Variants in NCKAP1L observed in about 807,000 individuals in gnomAD.
NCKAP1L encodes nck-associated protein 1-like.
In NCKAP1L, 53 loss-of-function variants were observed where a neutral mutation model predicts 139.2. The observed-to-expected ratio is 0.38, with a 90% CI of 0.31 to 0.48. The LOEUF (loss-of-function observed/expected upper bound fraction) is 0.48. Among genes scored for constraint, NCKAP1L ranks in the 20% least tolerant of loss-of-function variants. NCKAP1L has a pLI of 0.98. For synonymous variants in NCKAP1L, 468 were observed against 499.7 expected, an observed-to-expected ratio of 0.94 and a Z score of 0.85; for missense variants, 1,151 against 1,381.9, an observed-to-expected ratio of 0.83 and a Z score of 2.65.
chr12:54,524,758 G>A (rs147617508), intron 20 of NCKAP1L, among the ~76,000 whole-genome samples: 131 of 152,202 alleles, frequency 8.6e-4, no homozygotes, highest in African/African-American at 3.0e-3. Flanking sequence ...AGCAGAATAC[G>A]TAGTAGATTA....
chr12:54,500,725 A>C (rs777689622), intron 3 of NCKAP1L, 100 bp downstream of exon 3: 11 of 778,694 alleles, frequency 1.4e-5, no homozygotes, highest in South Asian at 3.0e-5. Flanking sequence ...TCTTGAAAAA[A>C]TGAGAGAGAT....
At position 54,547,155 on chromosome 12, in the gene NCKAP1L, A is replaced by G. The variant is rs992939157; in HGVS notation, c.*4470A>G. 2.0e-5 allele frequency: 3 copies of G among 152,226 alleles called. No individual in the cohort carries two copies. The highest frequency in any genetic ancestry group is 2.9e-5 in the Non-Finnish European group (2 of 68,054). 9.4% of individuals were successfully genotyped at this position (152,226 alleles called of 1,614,324 possible). A position where few individuals can be genotyped will look rare whatever the true frequency, so the allele number is the denominator to read the frequency against. The stretch of plus-strand genomic sequence containing the variant: ...AGAATAGTTGTCTTTTGAGCCTCAG[A>G]GTGGAACAAGTATACCCAATTCTTA... On this transcript the variant is annotated 3_prime_UTR_variant, in exon 31 of 31. Coordinates refer to ENST00000293373, the MANE Select transcript of NCKAP1L (RefSeq NM_005337.5).
In NCKAP1L at chr12:54,509,954, C is replaced by T. The variant is rs184406299; in HGVS notation, c.704C>T (p.Pro235Leu). 4 of 1,614,138 alleles carry T rather than the reference C, an allele frequency of 2.5e-6. No homozygotes were observed. The highest frequency in any genetic ancestry group is 2.2e-5 in the East Asian group (1 of 44,908). Residue 235 changes from proline to leucine, a missense_variant, in exon 7 of 31, where the codon CCA becomes CTA. Pro to Leu is a moderately conservative substitution (Grantham distance 98). Transcript: ENST00000293373. ...AQLLSLISNP[P>L]AMINPANSDT... ...CTTCTAAGCCTCATCAGCAACCCCCCAGCCATGATTAACCCTGCTAATTCA... is the reference window on the plus strand; with the variant it reads ...CTTCTAAGCCTCATCAGCAACCCCCTAGCCATGATTAACCCTGCTAATTCA...
chr12:54,535,492 T>C (rs1288112119), intron 27 of NCKAP1L, among the ~76,000 whole-genome samples: 1 of 152,156 alleles, frequency 6.6e-6, no homozygotes, highest in Admixed American at 6.5e-5. Context: ...TCAAAGCCAT[T>C]TACAATCTGG....
At chr12:54,500,248 C>T (rs960505463) in intron 2 of NCKAP1L, among the ~76,000 whole-genome samples, 15 of 151,950 alleles carry the variant, frequency 9.9e-5, no homozygotes, top group African/African-American at 2.7e-4. Flanking sequence ...CTCAGCCTCT[C>T]GAGTAGCTGG....
At chr12:54,536,526 G>A in intron 28 of NCKAP1L, 1 of 344,782 alleles carries the variant, frequency 2.9e-6, no homozygotes, top group Non-Finnish European at 5.5e-6. Flanking sequence ...TAGCTGGGCA[G>A]GGTGGCCTGT....
chr12:54,531,518 C>T lies in NCKAP1L; in HGVS notation c.2632C>T (p.Leu878Phe). ...KKLVVENMDILVQIRSNFSKP... is the reference protein window; with the variant it reads ...KKLVVENMDIFVQIRSNFSKP... ...GCTGGTGGTGGAAAACATGGACATACTTGTTCAGATCAGATCCAACTTTAG... is the reference window on the plus strand; with the variant it reads ...GCTGGTGGTGGAAAACATGGACATATTTGTTCAGATCAGATCCAACTTTAG... The change falls in exon 24 of 31, where the codon CTT becomes TTT. Residue 878 changes from leucine to phenylalanine, a missense_variant. Leu to Phe is a conservative substitution (Grantham distance 22). Transcript: ENST00000293373. The T allele has an allele frequency of 6.2e-7, 1 of 1,614,176 alleles. No homozygotes were observed. The highest frequency in any genetic ancestry group is 8.5e-7 in the Non-Finnish European group (1 of 1,180,034).
intron 30 of NCKAP1L, 143 bp from the exon 31 acceptor site, chr12:54,542,432 G>A (rs1193176906): frequency 4.5e-6 from 3 of 661,400 alleles, no homozygotes; most frequent in Non-Finnish European, 2.7e-6. Context: ...AACCAAGTGA[G>A]GGAAGAGGGG....
rs769378391 is a variant in NCKAP1L, at chr12:54,526,517, A to G, written c.2157-11A>G. 6.4e-7 allele frequency: 1 copy of G among 1,565,186 alleles called. No individual in the cohort carries two copies. Among genetic ancestry groups the G allele is most frequent in the African/African-American group, 1.4e-5 (1 of 72,350 alleles). On this transcript the variant is annotated splice_polypyrimidine_tract_variant and intron_variant, in intron 20 of 30. Coordinates refer to ENST00000293373, the MANE Select transcript of NCKAP1L (RefSeq NM_005337.5). ...ATTGTAATTCTAATTTTTTTTTTTT[A>G]AATCACCTAGAGCCATTGTGTGGCT... is the stretch of plus-strand genomic sequence containing the variant.
intron 29 of NCKAP1L, 68 bp downstream of exon 29, chr12:54,537,121 T>C: frequency 9.3e-7 from 1 of 1,075,882 alleles, no homozygotes; most frequent in Non-Finnish European, 1.4e-6. Context: ...CTTAAATCTG[T>C]AGACAATTAT....
chr12:54,524,811 A>G (rs542948183), intron 20 of NCKAP1L, among the ~76,000 whole-genome samples: 2 of 152,162 alleles, frequency 1.3e-5, no homozygotes, highest in Admixed American at 6.5e-5. Flanking sequence ...TGGGAAAGGG[A>G]GATAGGAGGA....
rs761385823 is a variant in NCKAP1L, at chr12:54,516,291, A to G, written c.994A>G (p.Asn332Asp). ...IKESKEHVIANSGQFHCQRRQ... is the reference protein window; with the variant it reads ...IKESKEHVIADSGQFHCQRRQ... The stretch of plus-strand genomic sequence containing the variant: ...GGAGAGCAAGGAACATGTAATTGCA[A>G]ACAGGTAAAGGGTGGTGAATGCACT... The change falls in exon 10 of 31, where the codon AAC (asparagine) becomes GAC (aspartate). Residue 332 changes from asparagine to aspartate, a missense_variant. Transcript: ENST00000293373. The G allele has an allele frequency of 6.2e-7, 1 of 1,613,986 alleles. No individual in the cohort carries two copies. The highest frequency in any genetic ancestry group is 1.7e-5 in the Admixed American group (1 of 60,026).
chr12:54,535,179 A>C lies in NCKAP1L; in HGVS notation c.2938A>C (p.Ile980Leu). The C allele has an allele frequency of 6.2e-7, 1 of 1,613,664 alleles. No homozygotes were observed. Among genetic ancestry groups the C allele is most frequent in the Non-Finnish European group, 8.5e-7 (1 of 1,179,744 alleles). The change falls in exon 27 of 31, where the codon ATT (isoleucine) becomes CTT (leucine). Residue 980 changes from isoleucine (I) to leucine (L), a missense_variant. By Grantham distance (5) the Ile-to-Leu change is conservative (BLOSUM62 2). Coordinates refer to ENST00000293373, the MANE Select transcript of NCKAP1L (RefSeq NM_005337.5). ...CATTGACCCAGCCTTGGTGGCTGCC[A>C]TTGCTAATCTGAAAGCTGGTAAGAT... ...CDIDPALVAA[I>L]ANLKADTSSP...
intron 3 of NCKAP1L, among the ~76,000 whole-genome samples, chr12:54,503,932 C>A (rs964507897): frequency 3.3e-5 from 5 of 152,110 alleles, no homozygotes; most frequent in Admixed American, 6.5e-5. Flanking sequence ...TGAGTCACTG[C>A]ACCCAGCCAA....
chr12:54,537,009 C>T lies in NCKAP1L; in HGVS notation c.3139C>T (p.Leu1047Phe). 6.2e-7 allele frequency: 1 copy of T among 1,613,690 alleles called. No homozygotes were observed. Among genetic ancestry groups the T allele is most frequent in the Non-Finnish European group, 8.5e-7 (1 of 1,179,686 alleles). The change falls in exon 29 of 31, where the codon CTC (leucine) becomes TTC (phenylalanine). Residue 1047 changes from leucine (L) to phenylalanine (F), a missense_variant. Coordinates refer to ENST00000293373, the MANE Select transcript of NCKAP1L (RefSeq NM_005337.5). ...IIQVSAALFT[L>F]YNKNIETHLK... ...CCAGGTGTCTGCTGCCCTCTTCACG[C>T]TCTACAACAAGAACATTGAAACTCA... is the stretch of plus-strand genomic sequence containing the variant.
intron 25 of NCKAP1L, 151 bp from the exon 26 acceptor site, chr12:54,532,019 C>G: frequency 1.3e-6 from 1 of 754,620 alleles, no homozygotes; most frequent in South Asian, 2.0e-5. Context: ...GCTTAGGAAA[C>G]CTAGAGGCAT....
rs549823356 is a variant in NCKAP1L, at chr12:54,517,921, C to T, written c.1321C>T (p.Leu441Phe). 6.2e-7 allele frequency: 1 copy of T among 1,614,090 alleles called. No homozygotes were observed. The highest frequency in any genetic ancestry group is 8.5e-7 in the Non-Finnish European group (1 of 1,180,006). ...QYLARFDALV[L>F]SDIIQNLSVC... ...CTTGGCAAGATTTGATGCTCTTGTGCTCAGTGACATCATTCAGGTATGATA... is the reference window on the plus strand; with the variant it reads ...CTTGGCAAGATTTGATGCTCTTGTGTTCAGTGACATCATTCAGGTATGATA... Residue 441 changes from leucine (L) to phenylalanine (F), a missense_variant, in exon 13 of 31, where the codon CTC becomes TTC. Coordinates refer to ENST00000293373, the MANE Select transcript of NCKAP1L (RefSeq NM_005337.5).
chr12:54,535,188 C>T lies in NCKAP1L; in HGVS notation c.2947C>T (p.Leu983=), dbSNP rs781003863. 1.2e-6 allele frequency: 2 copies of T among 1,613,158 alleles called. No individual in the cohort carries two copies. The highest frequency in any genetic ancestry group is 1.7e-6 in the Non-Finnish European group (2 of 1,179,446). ...DPALVAAIAN[L]KADTSSPEEE... ...AGCCTTGGTGGCTGCCATTGCTAATCTGAAAGCTGGTAAGATTGGGGAAAG... is the reference window on the plus strand; with the variant it reads ...AGCCTTGGTGGCTGCCATTGCTAATTTGAAAGCTGGTAAGATTGGGGAAAG... The change falls in exon 27 of 31, where the codon CTG becomes TTG. Residue 983 remains leucine (L), a synonymous_variant. Coordinates refer to ENST00000293373, the MANE Select transcript of NCKAP1L (RefSeq NM_005337.5).
chr12:54,524,351 A>G (rs534124825), intron 20 of NCKAP1L, among the ~76,000 whole-genome samples: 1 of 152,304 alleles, frequency 6.6e-6, no homozygotes, highest in South Asian at 2.1e-4. Flanking sequence ...TTATTTATGG[A>G]TAATTGAGAA....
Sources: gnomAD v4.1 joint callset for allele counts (sites outside exome capture counted in the v4.1 genomes callset) on GRCh38, gnomAD v4.1.1 for gene constraint, MANE v1.5 for transcripts, NCBI Gene and HGNC (gene_info 2026-07-23, HGNC 2026-07-21) for gene names.